CENPE: variants seen among roughly 807,000 people sequenced by gnomAD.
CENPE encodes centromere-associated protein E.
Under a neutral mutation model 336.1 loss-of-function variants are expected in CENPE, and 145 were observed. The observed-to-expected ratio is 0.43, with a 90% CI of 0.38 to 0.50. The LOEUF (loss-of-function observed/expected upper bound fraction) is 0.50, where lower values mean the gene tolerates loss of function less well. Among genes scored for constraint, CENPE ranks in the 20% least tolerant of loss-of-function variants. CENPE has a pLI of 0.00. For missense variants in CENPE, 2,719 were observed against 3,023.3 expected (o/e 0.90, Z 2.36); for synonymous variants, 1,013 against 984.8 (o/e 1.03, Z -0.54).
At chr4:103,113,433 TTA>T (rs1198121709) in intron 46 of CENPE, among the ~76,000 whole-genome samples, 25 of 141,584 alleles carry the variant, frequency 1.8e-4, no homozygotes, top group Non-Finnish European at 3.0e-5. Flanking sequence ...TATATATTAC[TTA>T]TATATATTAC....
At chr4:103,190,706 G>C (rs1757231423) in intron 8 of CENPE, among the ~76,000 whole-genome samples, 2 of 152,042 alleles carry the variant, frequency 1.3e-5, no homozygotes, top group South Asian at 4.2e-4. Flanking sequence ...GAAAACCTAG[G>C]CAATACCATT....
At chr4:103,196,895 T>A in intron 1 of CENPE, 45 bp from the exon 2 acceptor site, 1 of 896,628 alleles carries the variant, frequency 1.1e-6, no homozygotes, top group African/African-American at 1.7e-5. Flanking sequence ...ATAAAAGTCA[T>A]GTCATAGGAG....
At chr4:103,156,609 G>A (rs909071149) in intron 24 of CENPE, among the ~76,000 whole-genome samples, 2 of 152,090 alleles carry the variant, frequency 1.3e-5, no homozygotes, top group African/African-American at 4.8e-5. Context: ...AAACGTAAGA[G>A]TGAAAATTAC....
Position 103,151,381 on chromosome 4 carries a change from G to C in CENPE, c.3238-4C>G. 4 of 1,548,664 alleles carry C rather than the reference G, an allele frequency of 2.6e-6. No homozygotes were observed. The highest frequency in any genetic ancestry group is 3.5e-6 in the Non-Finnish European group (4 of 1,157,982). ...ATTCTTCCTGGTTTTCAATGGTCTAGAAAGAAAAAAAAAGTTGAGATTAAA... is the reference window on the plus strand; with the variant it reads ...ATTCTTCCTGGTTTTCAATGGTCTACAAAGAAAAAAAAAGTTGAGATTAAA... On this transcript the variant is annotated splice_polypyrimidine_tract_variant and splice_region_variant and intron_variant, in intron 25 of 48. Transcript: ENST00000265148.
intron 44 of CENPE, among the ~76,000 whole-genome samples, chr4:103,119,846 T>C (rs1340030839): frequency 2.0e-5 from 3 of 152,124 alleles, no homozygotes; most frequent in Non-Finnish European, 2.9e-5. Flanking sequence ...ACTTATCTAA[T>C]AGTATTATAT....
In CENPE at chr4:103,197,626, C is replaced by A. The variant is rs181209618; in HGVS notation, c.56+638G>T. 1.1e-4 allele frequency among the ~76,000 whole-genome samples: 17 copies of A among 152,312 alleles called. No individual in the cohort carries two copies. The East Asian group carries it at 3.3e-3, about 29-fold the overall frequency. ...AGCATTTCGGGTCGAGGGCCAGAAG[C>A]TAGTGAAGCAAACCGATTTCATTTA... is the stretch of plus-strand genomic sequence containing the variant. On this transcript the variant is annotated intron_variant, in intron 1 of 48. Transcript: ENST00000265148.
chr4:103,118,118 C>A (rs911650490), intron 44 of CENPE, among the ~76,000 whole-genome samples: 1 of 152,198 alleles, frequency 6.6e-6, no homozygotes, highest in Non-Finnish European at 1.5e-5. Flanking sequence ...CTCAATCATA[C>A]AAGTATGCTT....
chr4:103,178,406 T>C (rs1338673580), intron 13 of CENPE, among the ~76,000 whole-genome samples: 1 of 152,206 alleles, frequency 6.6e-6, no homozygotes, highest in Non-Finnish European at 1.5e-5. Flanking sequence ...TCACCTGCCA[T>C]CTCAGCAGAA....
intron 46 of CENPE, among the ~76,000 whole-genome samples, chr4:103,112,996 GTATATAAGTGTATATATATA>G: frequency 3.4e-5 from 2 of 58,462 alleles, no homozygotes; most frequent in Non-Finnish European, 5.9e-5. Context: ...ATACTTATAA[GTATATAAGTGTATATATATA>G]CTTATAAGTA....
chr4:103,139,531 A>T (rs1200481745), intron 38 of CENPE, among the ~76,000 whole-genome samples: 2 of 152,144 alleles, frequency 1.3e-5, no homozygotes, highest in Non-Finnish European at 2.9e-5. Flanking sequence ...ATTAAAAAAA[A>T]CTTTAAAATG....
At chr4:103,126,070 A>G (rs1421720362) in intron 42 of CENPE, among the ~76,000 whole-genome samples, 1 of 152,006 alleles carries the variant, frequency 6.6e-6, no homozygotes, top group East Asian at 1.9e-4. Flanking sequence ...ATGGGGTAGG[A>G]AAACCTGAAC....
intron 16 of CENPE, among the ~76,000 whole-genome samples, chr4:103,167,665 A>T (rs970610560): frequency 5.3e-5 from 8 of 152,192 alleles, no homozygotes; most frequent in African/African-American, 1.7e-4. Context: ...AGGAGGTTGT[A>T]AAACCCCAGT....
intron 40 of CENPE, among the ~76,000 whole-genome samples, chr4:103,134,663 T>G (rs1751914769): frequency 1.3e-5 from 2 of 148,814 alleles, no homozygotes; most frequent in African/African-American, 4.9e-5. Flanking sequence ...AAAAAAAGAC[T>G]TCCTTGTCAA....
chr4:103,121,116 A>G (rs1391788260), intron 43 of CENPE, among the ~76,000 whole-genome samples: 1 of 152,212 alleles, frequency 6.6e-6, no homozygotes, highest in Non-Finnish European at 1.5e-5. Flanking sequence ...TCCCCATCTC[A>G]GACCCCCAGT....
chr4:103,198,113 T>G, intron 1 of CENPE, 151 bp downstream of exon 1: 1 of 688,956 alleles, frequency 1.5e-6, no homozygotes, highest in Non-Finnish European at 2.4e-6. Flanking sequence ...CCCTGTCACT[T>G]TACAGACCCT....
chr4:103,108,894 T>C lies in CENPE; in HGVS notation c.7920A>G (p.Pro2640=). Residue 2640 remains proline, a synonymous_variant, in exon 48 of 49, where the codon CCA becomes CCG. Coordinates refer to ENST00000265148, the MANE Select transcript of CENPE (RefSeq NM_001813.3). ...NLQDPVPKES[P]KSCFFDSRSK... The stretch of plus-strand genomic sequence containing the variant: ...ATCGGCTATCAAAAAAACAAGATTT[T>C]GGTGATTCCTTTGGCACAGGATCTT... 6.2e-7 allele frequency: 1 copy of C among 1,613,950 alleles called. No homozygotes were observed. The highest frequency in any genetic ancestry group is 8.5e-7 in the Non-Finnish European group (1 of 1,179,862).
intron 47 of CENPE, among the ~76,000 whole-genome samples, chr4:103,110,604 C>G (rs1157676549): frequency 1.3e-5 from 2 of 152,088 alleles, no homozygotes; most frequent in Admixed American, 6.6e-5. Context: ...TTTCCTATTT[C>G]TTGCCTTGGT....
At chr4:103,117,875 G>A (rs1216219500) in intron 44 of CENPE, among the ~76,000 whole-genome samples, 1 of 151,926 alleles carries the variant, frequency 6.6e-6, no homozygotes, top group Non-Finnish European at 1.5e-5. Flanking sequence ...TGATCCGCCC[G>A]CCTCAGCCTC....
At chr4:103,147,942 C>A (rs935602772) in intron 28 of CENPE, among the ~76,000 whole-genome samples, 1 of 152,090 alleles carries the variant, frequency 6.6e-6, no homozygotes, top group African/African-American at 2.4e-5. Flanking sequence ...GATCTGCCTG[C>A]CTTGGCCTCC....
Sources: gnomAD v4.1 joint callset for allele counts (sites outside exome capture counted in the v4.1 genomes callset) on GRCh38, gnomAD v4.1.1 for gene constraint, MANE v1.5 for transcripts, NCBI Gene and HGNC (gene_info 2026-07-23, HGNC 2026-07-21) for gene names.